The following SEPHS1 variants were observed in gnomAD, a reference collection of about 807,000 sequenced individuals.
SEPHS1 encodes selenophosphate synthetase 1, also known as zincore component SEPHS1.
SEPHS1 carries 7 observed loss-of-function variants against 39.2 expected under a neutral mutation model. That is an observed-to-expected ratio of 0.18 (90% CI 0.10 to 0.34). The LOEUF is 0.34. SEPHS1 is among the 10% of genes least tolerant of loss of function. SEPHS1 has a pLI of 1.00. For synonymous variants in SEPHS1, 190 were observed against 195.5 expected (o/e 0.97, Z 0.23); for missense variants, 253 against 514.5 (o/e 0.49, Z 4.92).
intron 2 of SEPHS1, chr10:13,340,918 C>T (rs1036147111): frequency 6.6e-6 from 1 of 152,090 alleles, no homozygotes; most frequent in African/African-American, 2.4e-5. Context: ...GCTGTAAGTA[C>T]AAAACAGACA....
intron 3 of SEPHS1, 91 bp from the exon 4 acceptor site, chr10:13,336,441 G>T: frequency 1.1e-6 from 1 of 948,466 alleles, no homozygotes; most frequent in South Asian, 1.4e-5. Flanking sequence ...CACAGAGAAC[G>T]TGGAGACTTT....
chr10:13,321,623 C>G (rs574694943), intron 8 of SEPHS1, among the ~76,000 whole-genome samples: 1 of 151,448 alleles, frequency 6.6e-6, no homozygotes, highest in Non-Finnish European at 1.5e-5. Flanking sequence ...AAGAGAGAAA[C>G]CGAAAAAAAG....
Position 13,328,199 on chromosome 10 carries a change from A to G in SEPHS1, c.751+152T>C, listed in dbSNP as rs945594663. 5 of 585,952 alleles carry G rather than the reference A, an allele frequency of 8.5e-6. No homozygotes were observed. In the East Asian group the frequency reaches 1.2e-4, roughly 13 times the overall value. 36.3% of individuals were successfully genotyped at this position (585,952 alleles called of 1,614,324 possible). On this transcript the variant is annotated intron_variant, in intron 7 of 8. Transcript: ENST00000327347. ...AGTCAGGGACCATCTGCAGTGATCT[A>G]TGGAATGCCAACCTGGTACCAGGAG...
intron 8 of SEPHS1, chr10:13,322,197 A>T: frequency 2.8e-6 from 1 of 354,196 alleles, no homozygotes; most frequent in Non-Finnish European, 5.4e-6. Flanking sequence ...GCTGGAGTGC[A>T]GTGGCGCAAT....
chr10:13,339,823 T>C (rs1475568817), intron 2 of SEPHS1, among the ~76,000 whole-genome samples: 2 of 152,162 alleles, frequency 1.3e-5, no homozygotes, highest in African/African-American at 4.8e-5. Context: ...GTTTAGGGAA[T>C]AATGACAAGA....
intron 5 of SEPHS1, among the ~76,000 whole-genome samples, chr10:13,332,510 A>T (rs1244558203): frequency 6.6e-6 from 1 of 152,218 alleles, no homozygotes; most frequent in African/African-American, 2.4e-5. Context: ...ATTCTATGTT[A>T]TGTGAAATTT....
intron 5 of SEPHS1, 57 bp from the exon 6 acceptor site, chr10:13,329,845 GTTA>G (rs1833414851): frequency 7.5e-7 from 1 of 1,333,212 alleles, no homozygotes; most frequent in African/African-American, 1.4e-5. Flanking sequence ...TGAGCTCATT[GTTA>G]TTAACACAAG....
In SEPHS1 at chr10:13,322,869, G is replaced by A. The variant is rs762235072; in HGVS notation, c.930C>T (p.Phe310=). Residue 310 remains phenylalanine, a synonymous_variant, in exon 8 of 9, where the codon TTC becomes TTT. Coordinates refer to ENST00000327347, the MANE Select transcript of SEPHS1 (RefSeq NM_012247.5). ...CCGGGCAGGTCCCGTGCATGAGGCCGAACATGTTTCCGCAGGCCTTGCTCA... is the reference window on the plus strand; with the variant it reads ...CCGGGCAGGTCCCGTGCATGAGGCCAAACATGTTTCCGCAGGCCTTGCTCA... ...AAVSKACGNM[F]GLMHGTCPET... is the part of the protein sequence containing the mutation. 1.5e-5 allele frequency: 24 copies of A among 1,613,802 alleles called. No homozygotes were observed. The South Asian group carries it at 1.6e-4, about 11-fold the overall frequency.
chr10:13,332,919 C>T (rs1833514331), intron 5 of SEPHS1, among the ~76,000 whole-genome samples: 1 of 151,716 alleles, frequency 6.6e-6, no homozygotes, highest in Non-Finnish European at 1.5e-5. Flanking sequence ...AAATAGATGA[C>T]CCTTAAAAGT....
At chr10:13,347,441 G>A (rs1374934498) in intron 1 of SEPHS1, 1 of 150,030 alleles carries the variant, frequency 6.7e-6, no homozygotes, top group Non-Finnish European at 1.5e-5. Flanking sequence ...CGGGCCGGCG[G>A]CGGGGCGGAG....
At chr10:13,335,313 C>T (rs1446330193) in intron 4 of SEPHS1, among the ~76,000 whole-genome samples, 1 of 152,236 alleles carries the variant, frequency 6.6e-6, no homozygotes, top group Non-Finnish European at 1.5e-5. Context: ...TGTCCCACAT[C>T]TGTAAGGCTG....
In SEPHS1 at chr10:13,323,005, T is replaced by C. The variant is rs1468213474; in HGVS notation, c.794A>G (p.Asp265Gly). The change falls in exon 8 of 9, where the codon GAC becomes GGC. Residue 265 changes from aspartate to glycine, a missense_variant. Physicochemically the swap from Asp to Gly is moderately conservative, Grantham distance 94. Transcript: ENST00000327347. ...MHTFNAHAAT[D>G]ITGFGILGHA... Reference sequence around the variant, plus strand: ...GCCCAAAATCCCGAAGCCCGTGATGTCAGTGGCGGCGTGGGCATTGAACGT... The same window carrying C: ...GCCCAAAATCCCGAAGCCCGTGATGCCAGTGGCGGCGTGGGCATTGAACGT... 6.2e-7 allele frequency: 1 copy of C among 1,614,098 alleles called. No homozygotes were observed. Among genetic ancestry groups the C allele is most frequent in the Admixed American group, 1.7e-5 (1 of 59,998 alleles).
rs1833299709 is a variant in SEPHS1, at chr10:13,326,554, T to C, written c.751+1797A>G. Among the ~76,000 whole-genome samples, 2 of 151,842 alleles carry C rather than the reference T, an allele frequency of 1.3e-5. 1 individual carries two copies. Reference sequence around the variant, plus strand: ...TTCTGTTCCTCTGATCTATAACTTTTTTTTTTTTTTTGAGACATGATCTCA... The same window carrying C: ...TTCTGTTCCTCTGATCTATAACTTTCTTTTTTTTTTTGAGACATGATCTCA... On this transcript the variant is annotated intron_variant, in intron 7 of 8. Transcript: ENST00000327347.
At chr10:13,325,804 A>G (rs1026753692) in intron 7 of SEPHS1, among the ~76,000 whole-genome samples, 1 of 148,678 alleles carries the variant, frequency 6.7e-6, no homozygotes, top group Non-Finnish European at 1.5e-5. Context: ...AGGCTGAGGC[A>G]GGAGAATCGC....
intron 8 of SEPHS1, chr10:13,322,114 T>G: frequency 2.3e-6 from 1 of 432,942 alleles, no homozygotes. Flanking sequence ...TCCTATTGCA[T>G]TCTTTTTTAT....
At chr10:13,338,897 A>C (rs765493987) in intron 2 of SEPHS1, 89 bp from the exon 3 acceptor site, 5 of 955,322 alleles carry the variant, frequency 5.2e-6, no homozygotes, top group Non-Finnish European at 8.5e-6. Flanking sequence ...GGAAGAGCTC[A>C]TAAGATACTT....
At chr10:13,325,943 T>C (rs1200887190) in intron 7 of SEPHS1, among the ~76,000 whole-genome samples, 1 of 18,928 alleles carries the variant, frequency 5.3e-5, no homozygotes, top group Non-Finnish European at 8.6e-5. Flanking sequence ...AGAGACTCAG[T>C]CTCAAAAAAA....
At chr10:13,345,323 G>A (rs1207419487) in intron 1 of SEPHS1, 1 of 166,542 alleles carries the variant, frequency 6.0e-6, no homozygotes, top group African/African-American at 2.4e-5. Context: ...AATCCCAAAG[G>A]TTCTTCTAGG....
intron 2 of SEPHS1, among the ~76,000 whole-genome samples, chr10:13,342,955 G>C (rs1833837131): frequency 6.6e-6 from 1 of 152,014 alleles, no homozygotes; most frequent in African/African-American, 2.4e-5. Flanking sequence ...GGCTGGTCTT[G>C]AACTCCTGAC....
Sources: allele counts gnomAD v4.1 joint callset (sites outside exome capture counted in the v4.1 genomes callset), GRCh38; gene constraint gnomAD v4.1.1; transcripts MANE v1.5; gene names NCBI Gene and HGNC (gene_info 2026-07-23, HGNC 2026-07-21).